Variants in OLFM2 observed in about 807,000 individuals in gnomAD.
The protein encoded by OLFM2 is noelin-2.
OLFM2 carries 20 observed loss-of-function variants against 43.9 expected under a neutral mutation model. The observed-to-expected ratio is 0.46, with a 90% CI of 0.32 to 0.66. The LOEUF (loss-of-function observed/expected upper bound fraction) is 0.66. Ranked by LOEUF, OLFM2 falls within the 30% of genes least tolerant of loss-of-function variation. The pLI is 0.04. For synonymous variants in OLFM2, 268 were observed against 278.6 expected (o/e 0.96, Z 0.38); for missense variants, 416 against 643.6 (o/e 0.65, Z 3.83).
intron 1 of OLFM2, among the ~76,000 whole-genome samples, chr19:9,867,139 G>A (rs2046407925): frequency 6.6e-6 from 1 of 152,198 alleles, no homozygotes. Context: ...GGGAGGTGAA[G>A]GTGGGCGGAT....
intron 1 of OLFM2, among the ~76,000 whole-genome samples, chr19:9,914,365 G>A (rs2046858258): frequency 6.6e-6 from 1 of 152,168 alleles, no homozygotes; most frequent in South Asian, 2.1e-4. Flanking sequence ...TTAGCTGGGG[G>A]AAGGGGCTTC....
intron 1 of OLFM2, among the ~76,000 whole-genome samples, chr19:9,896,216 T>C (rs1408118463): frequency 7.0e-6 from 1 of 143,260 alleles, no homozygotes; most frequent in Non-Finnish European, 1.5e-5. Context: ...TTCTCCTGCC[T>C]CAGCCTCCCG....
chr19:9,914,302 G>T (rs1183089335), intron 1 of OLFM2, among the ~76,000 whole-genome samples: 1 of 152,008 alleles, frequency 6.6e-6, no homozygotes, highest in Non-Finnish European at 1.5e-5. Flanking sequence ...TGGGGGGCGT[G>T]GGGGGGCGAC....
intron 1 of OLFM2, among the ~76,000 whole-genome samples, chr19:9,900,248 C>T (rs1203157199): frequency 1.3e-5 from 2 of 151,968 alleles, no homozygotes; most frequent in African/African-American, 4.8e-5. Flanking sequence ...AGCTAACTGC[C>T]GAGAGAGGAA....
chr19:9,883,382 C>T (rs187198256), intron 1 of OLFM2, among the ~76,000 whole-genome samples: 118 of 152,156 alleles, frequency 7.8e-4, no homozygotes, highest in Non-Finnish European at 1.0e-3. Context: ...GAAAACAGCT[C>T]CAGCCTAGAG....
intron 1 of OLFM2, among the ~76,000 whole-genome samples, chr19:9,901,382 C>G (rs749974934): frequency 6.6e-6 from 1 of 151,966 alleles, no homozygotes; most frequent in South Asian, 2.1e-4. Flanking sequence ...GCTGAGATCG[C>G]GTCACTGCAC....
At chr19:9,900,987 GA>G (rs1166563510) in intron 1 of OLFM2, among the ~76,000 whole-genome samples, 2 of 48,614 alleles carry the variant, frequency 4.1e-5, no homozygotes, top group Admixed American at 2.0e-4. Flanking sequence ...AGGAAGGAAG[GA>G]AGGGAGGGAG....
chr19:9,906,806 C>T (rs573966033), intron 1 of OLFM2, among the ~76,000 whole-genome samples: 19 of 152,220 alleles, frequency 1.2e-4, no homozygotes, highest in African/African-American at 3.6e-4. Flanking sequence ...CTCTCTGCAG[C>T]GGCAGGCAGC....
At chr19:9,889,346 T>C (rs1283034629) in intron 1 of OLFM2, among the ~76,000 whole-genome samples, 3 of 151,990 alleles carry the variant, frequency 2.0e-5, no homozygotes, top group Non-Finnish European at 4.4e-5. Context: ...TCTCCCAGGC[T>C]CAAGCAATCC....
intron 2 of OLFM2, among the ~76,000 whole-genome samples, chr19:9,859,805 C>T (rs111379668): frequency 6.6e-6 from 1 of 152,138 alleles, no homozygotes; most frequent in Non-Finnish European, 1.5e-5. Context: ...TCCTTCCTTC[C>T]CCCCACCCCA....
intron 1 of OLFM2, among the ~76,000 whole-genome samples, chr19:9,934,534 AG>A (rs957157003): frequency 2.7e-5 from 4 of 146,010 alleles, no homozygotes; most frequent in Non-Finnish European, 6.0e-5. Context: ...GAGAAGCCAC[AG>A]GGGGTGGTTC....
intron 1 of OLFM2, among the ~76,000 whole-genome samples, chr19:9,929,654 G>A (rs1237223070): frequency 6.6e-6 from 1 of 151,948 alleles, no homozygotes; most frequent in Non-Finnish European, 1.5e-5. Flanking sequence ...AGGAACAAAT[G>A]AAAACAGCAC....
chr19:9,922,406 A>C (rs2086427094), intron 1 of OLFM2, among the ~76,000 whole-genome samples: 1 of 152,156 alleles, frequency 6.6e-6, no homozygotes. Flanking sequence ...ATGCAAAGGC[A>C]CTTAATTCAT....
intron 1 of OLFM2, among the ~76,000 whole-genome samples, chr19:9,931,768 TG>T (rs2086484134): frequency 6.6e-6 from 1 of 151,632 alleles, no homozygotes; most frequent in African/African-American, 2.4e-5. Context: ...GGGATCTTGC[TG>T]TATTGCCCAG....
At chr19:9,909,263 C>T (rs1037531774) in intron 1 of OLFM2, among the ~76,000 whole-genome samples, 1 of 152,130 alleles carries the variant, frequency 6.6e-6, no homozygotes, top group African/African-American at 2.4e-5. Context: ...CAGGCAGAGG[C>T]GACGGTCAAG....
At chr19:9,865,815 C>T (rs116082786) in intron 1 of OLFM2, among the ~76,000 whole-genome samples, 13,011 of 132,992 alleles carry the variant, frequency 0.098, 643 homozygotes, top group Middle Eastern at 0.19. Flanking sequence ...AAATCTCATT[C>T]TTAAAAAAAA....
intron 2 of OLFM2, among the ~76,000 whole-genome samples, chr19:9,860,354 A>C (rs912712857): frequency 4.6e-5 from 7 of 151,714 alleles, no homozygotes; most frequent in Non-Finnish European, 1.0e-4. Context: ...GCATGTCTGT[A>C]GTCCCAGCTA....
intron 2 of OLFM2, chr19:9,858,093 T>G: frequency 1.6e-6 from 1 of 610,386 alleles, no homozygotes; most frequent in Non-Finnish European, 3.0e-6. Context: ...CCACCACCTC[T>G]CACCTCCTCC....
intron 1 of OLFM2, among the ~76,000 whole-genome samples, chr19:9,914,763 G>A (rs2046861745): frequency 6.6e-6 from 1 of 152,056 alleles, no homozygotes; most frequent in South Asian, 2.1e-4. Flanking sequence ...CAGCCGCTGG[G>A]CCGCGGAGAG....
Sources: allele counts gnomAD v4.1 joint callset (sites outside exome capture counted in the v4.1 genomes callset), GRCh38; gene constraint gnomAD v4.1.1; transcripts MANE v1.5; gene names NCBI Gene and HGNC (gene_info 2026-07-23, HGNC 2026-07-21).